BAG3: variants seen among roughly 807,000 people sequenced by gnomAD.
BAG3 encodes BAG family molecular chaperone regulator 3.
BAG3 carries 14 observed loss-of-function variants against 40.5 expected under a neutral mutation model. The ratio of observed to expected loss-of-function variants is 0.35; its 90% CI spans 0.23 to 0.54. BAG3 has a LOEUF of 0.54. BAG3 is among the 20% of genes least tolerant of loss of function. BAG3 has a pLI of 0.91. For missense variants in BAG3, 788 were observed against 758.6 expected (o/e 1.04, Z -0.46); for synonymous variants, 302 against 307.8 (o/e 0.98, Z 0.20).
intron 3 of BAG3, among the ~76,000 whole-genome samples, chr10:119,674,462 G>A (rs576037386): frequency 5.9e-5 from 9 of 152,240 alleles, no homozygotes; most frequent in East Asian, 3.9e-4. Flanking sequence ...ACCATTAACC[G>A]TGTTTGTGGT....
Position 119,676,774 on chromosome 10 carries a change from C to T in BAG3, c.1220C>T (p.Pro407Leu), listed in dbSNP as rs3858340. 162,711 of 1,614,030 alleles carry T rather than the reference C, an allele frequency of 0.1. 9,406 individuals are homozygous for T. Among genetic ancestry groups the T allele is most frequent in the East Asian group, 0.26 (11,814 of 44,876 alleles). ...AGCACTGCCCCTGCAGAAGCTACAC[C>T]TCCAAAACCAGGAGAAGCCGAGGCT... ...APSTAPAEATPPKPGEAEAPP... is the reference protein window; with the variant it reads ...APSTAPAEATLPKPGEAEAPP... Residue 407 changes from proline to leucine, a missense_variant, in exon 4 of 4, where the codon CCT (proline) becomes CTT (leucine). Physicochemically the swap from Pro to Leu is moderately conservative, Grantham distance 98 (BLOSUM62 -3). Transcript: ENST00000369085.
intron 3 of BAG3, among the ~76,000 whole-genome samples, chr10:119,673,563 C>G (rs1847180892): frequency 6.6e-6 from 1 of 152,180 alleles, no homozygotes; most frequent in Non-Finnish European, 1.5e-5. Flanking sequence ...GCCCTGGGCC[C>G]CCTGTGGCTG....
At chr10:119,669,774 G>A (rs542904976) in intron 1 of BAG3, 77 bp from the exon 2 acceptor site, 60 of 1,416,828 alleles carry the variant, frequency 4.2e-5, no homozygotes, top group Admixed American at 4.2e-4. Context: ...AATGCCAAGC[G>A]CCACAGTGTT....
intron 1 of BAG3, among the ~76,000 whole-genome samples, chr10:119,652,930 A>G (rs1223731643): frequency 6.6e-6 from 1 of 152,244 alleles, no homozygotes; most frequent in African/African-American, 2.4e-5. Context: ...TCAGGATAAA[A>G]AGTTTTTAAA....
rs367864009 is a variant in BAG3, at chr10:119,662,215, G to GTTTTTTTTTTTTTTT, written c.181-7626_181-7625insTTTTTTTTTTTTTTT. 2.5e-4 allele frequency among the ~76,000 whole-genome samples: 23 copies of GTTTTTTTTTTTTTTT among 90,390 alleles called. 1 individual carries two copies. Among genetic ancestry groups the GTTTTTTTTTTTTTTT allele is most frequent in the South Asian group, 3.5e-4 (1 of 2,846 alleles). 59.3% of individuals were successfully genotyped at this position (90,390 alleles called of 152,430 possible). A position where few individuals can be genotyped will look rare whatever the true frequency, so the allele number is the denominator to read the frequency against. On this transcript the variant is annotated intron_variant, in intron 1 of 3. Coordinates refer to ENST00000369085, the MANE Select transcript of BAG3 (RefSeq NM_004281.4). ...GGCCCCCGCCACCATGCCTGGCTAT[G>GTTTTTTTTTTTTTTT]TTTTTTTTTTGTTTTTTTTTTTTTT...
intron 1 of BAG3, among the ~76,000 whole-genome samples, chr10:119,660,111 G>A (rs184408698): frequency 3.9e-5 from 6 of 152,356 alleles, no homozygotes; most frequent in African/African-American, 1.2e-4. Context: ...CAGCAGCTGC[G>A]GATGGTGCCT....
chr10:119,661,645 T>G (rs1846993447), intron 1 of BAG3, among the ~76,000 whole-genome samples: 1 of 152,130 alleles, frequency 6.6e-6, no homozygotes, highest in Non-Finnish European at 1.5e-5. Flanking sequence ...TATATATATT[T>G]TAGTAACAGG....
At position 119,657,530 on chromosome 10, in the gene BAG3, C is replaced by T. The variant is rs535308828; in HGVS notation, c.180+5675C>T. ...GTAGAACATGGGCCTGCCCAGAGCGCGAAGGCAGATACAGAAGAGCTGCCC... is the reference window on the plus strand; with the variant it reads ...GTAGAACATGGGCCTGCCCAGAGCGTGAAGGCAGATACAGAAGAGCTGCCC... On this transcript the variant is annotated intron_variant, in intron 1 of 3. Transcript: ENST00000369085. The T allele has an allele frequency of 1.3e-4, 61 of 471,072 alleles. 1 individual carries two copies. Among genetic ancestry groups the T allele is most frequent in the South Asian group, 8.8e-4 (57 of 64,558 alleles). 29.2% of individuals were successfully genotyped at this position (471,072 alleles called of 1,614,324 possible).
chr10:119,667,472 G>A (rs147572457), intron 1 of BAG3, among the ~76,000 whole-genome samples: 39 of 152,318 alleles, frequency 2.6e-4, no homozygotes, highest in African/African-American at 9.1e-4. Context: ...AAGGCTTACA[G>A]AGGTAAGAGA....
At position 119,670,108 on chromosome 10, in the gene BAG3, G is replaced by T; in HGVS notation, c.438G>T (p.Gln146His). ...SPLRGMPETT[Q>H]PDKQCGQVAA... Reference sequence around the variant, plus strand: ...TGCGGGGCATGCCAGAAACCACTCAGCCAGATAAACAGTGTGGACAGGTGG... The same window carrying T: ...TGCGGGGCATGCCAGAAACCACTCATCCAGATAAACAGTGTGGACAGGTGG... The change falls in exon 2 of 4, where the codon CAG (glutamine) becomes CAT (histidine). Residue 146 changes from glutamine (Q) to histidine (H), a missense_variant. Physicochemically the swap from Gln to His is conservative, Grantham distance 24. Coordinates refer to ENST00000369085, the MANE Select transcript of BAG3 (RefSeq NM_004281.4). The T allele has an allele frequency of 6.2e-7, 1 of 1,613,684 alleles. No homozygotes were observed. Among genetic ancestry groups the T allele is most frequent in the South Asian group, 1.1e-5 (1 of 91,078 alleles).
chr10:119,672,391 A>G lies in BAG3; in HGVS notation c.644A>G (p.Asn215Ser). The stretch of plus-strand genomic sequence containing the variant: ...TCCATTCCGGTGATACACGAGCAGA[A>G]CGTTACCCGGCCAGCAGCCCAGCCC... ...YISIPVIHEQ[N>S]VTRPAAQPSF... is the part of the protein sequence containing the mutation. The change falls in exon 3 of 4, where the codon AAC becomes AGC. Residue 215 changes from asparagine to serine, a missense_variant. Coordinates refer to ENST00000369085, the MANE Select transcript of BAG3 (RefSeq NM_004281.4). The surrounding 1 kb of genome is among the most constrained non-coding windows in gnomAD (Gnocchi z 4.8). The G allele has an allele frequency of 6.2e-7, 1 of 1,614,134 alleles. No individual in the cohort carries two copies.
At chr10:119,664,754 G>A (rs1345768145) in intron 1 of BAG3, among the ~76,000 whole-genome samples, 1 of 152,164 alleles carries the variant, frequency 6.6e-6, no homozygotes, top group African/African-American at 2.4e-5. Flanking sequence ...AAAACACTTA[G>A]TAGACTGAAG....
chr10:119,665,802 G>T (rs59118651), intron 1 of BAG3, among the ~76,000 whole-genome samples: 1,886 of 150,710 alleles, frequency 0.013, 48 homozygotes, highest in African/African-American at 0.044. Flanking sequence ...TGTTGTTGTT[G>T]TTTTTTTTTA....
chr10:119,676,610 C>G lies in BAG3; in HGVS notation c.1056C>G (p.Ser352=), dbSNP rs753304366. The stretch of plus-strand genomic sequence containing the variant: ...AAGAGGTGGATTCTAAACCTGTTTC[C>G]CAGAAGCCCCCACCTCCCTCTGAGA... ...IRKEVDSKPV[S]QKPPPPSEKV... is the part of the protein sequence containing the mutation. The change falls in exon 4 of 4, where the codon TCC becomes TCG. Residue 352 remains serine, a synonymous_variant. Transcript: ENST00000369085. 7 of 1,614,030 alleles carry G rather than the reference C, an allele frequency of 4.3e-6. No individual in the cohort carries two copies. The highest frequency in any genetic ancestry group is 1.7e-6 in the Non-Finnish European group (2 of 1,180,042).
chr10:119,671,011 G>T (rs1264382203), intron 2 of BAG3, among the ~76,000 whole-genome samples: 1 of 152,292 alleles, frequency 6.6e-6, no homozygotes, highest in East Asian at 1.9e-4. Context: ...ACCTGCTTGA[G>T]AGTGAAAGTT....
At chr10:119,675,780 CCCCTCCCTTCCCCCCT>C (rs1847213026) in intron 3 of BAG3, among the ~76,000 whole-genome samples, 1 of 65,658 alleles carries the variant, frequency 1.5e-5, no homozygotes, top group Non-Finnish European at 3.2e-5. Context: ...TCCTTCCCTC[CCCCTCCCTTCCCCCCT>C]TCCCCTTCCC....
At chr10:119,668,164 A>G (rs886775796) in intron 1 of BAG3, among the ~76,000 whole-genome samples, 1 of 152,222 alleles carries the variant, frequency 6.6e-6, no homozygotes, top group East Asian at 1.9e-4. Flanking sequence ...AGTGACACCC[A>G]TGCCTTTCCT....
intron 1 of BAG3, chr10:119,657,412 C>A (rs1447425913): frequency 2.5e-6 from 1 of 397,954 alleles, no homozygotes; most frequent in African/African-American, 2.1e-5. Context: ...GTTAGGAGTT[C>A]TGGGGCAGAG....
At chr10:119,665,134 A>ATT (rs1229679118) in intron 1 of BAG3, among the ~76,000 whole-genome samples, 158 of 59,664 alleles carry the variant, frequency 2.6e-3, no homozygotes, top group African/African-American at 8.2e-3. Flanking sequence ...GTGTATATAT[A>ATT]TATATATATA....
Sources: gnomAD v4.1 joint callset for allele counts (sites outside exome capture counted in the v4.1 genomes callset) on GRCh38, gnomAD v4.1.1 for gene constraint, Gnocchi (gnomAD v3.1) non-coding constraint, MANE v1.5 for transcripts, NCBI Gene and HGNC (gene_info 2026-07-23, HGNC 2026-07-21) for gene names.